LINGO2: variants seen among roughly 807,000 people sequenced by gnomAD.
LINGO2 encodes leucine rich repeat and Ig domain containing 2.
A neutral mutation model predicts 30.6 loss-of-function variants in LINGO2; 14 were observed. That is an observed-to-expected ratio of 0.46 (90% confidence interval 0.30 to 0.72). The LOEUF is 0.72. Ranked by LOEUF, LINGO2 falls within the 30% of genes least tolerant of loss-of-function variation. The pLI is 0.07. For synonymous variants in LINGO2, 317 were observed against 288.5 expected, an observed-to-expected ratio of 1.10 and a Z score of -1.00; for missense variants, 729 against 751.7, an observed-to-expected ratio of 0.97 and a Z score of 0.35.
At chr9:28,863,792 T>TG in the LINGO2 span, 1 of 356,682 alleles carries the variant, frequency 2.8e-6, no homozygotes, top group African/African-American at 2.1e-5. Context: ...TCCATCTAGT[T>TG]CACAATCAAT....
intron 5 of LINGO2, among the ~76,000 whole-genome samples, chr9:27,992,627 A>C (rs1821453718): frequency 6.6e-6 from 1 of 152,130 alleles, no homozygotes; most frequent in African/African-American, 2.4e-5. Flanking sequence ...AAAGTGAAAA[A>C]ATAAAATTAT....
At chr9:28,007,332 A>G (rs954184581) in intron 5 of LINGO2, among the ~76,000 whole-genome samples, 1 of 152,142 alleles carries the variant, frequency 6.6e-6, no homozygotes, top group African/African-American at 2.4e-5. Context: ...AAACAATTGC[A>G]TGGTAGAAGA....
chr9:28,826,641 C>A, the LINGO2 span, among the ~76,000 whole-genome samples: 5 of 152,180 alleles, frequency 3.3e-5, no homozygotes, highest in Non-Finnish European at 7.3e-5. Context: ...TAAACACTGA[C>A]ATCCATGTCT....
chr9:28,535,925 C>T (rs1414048015), intron 1 of LINGO2, among the ~76,000 whole-genome samples: 1 of 152,182 alleles, frequency 6.6e-6, no homozygotes, highest in African/African-American at 2.4e-5. Flanking sequence ...GAGACATGAC[C>T]TTTGGCCTAA....
chr9:28,912,589 A>T, the LINGO2 span, among the ~76,000 whole-genome samples: 1 of 152,076 alleles, frequency 6.6e-6, no homozygotes, highest in South Asian at 2.1e-4. Context: ...TGGACAAGTA[A>T]CCCTTATGGA....
At chr9:28,859,130 G>T in the LINGO2 span, among the ~76,000 whole-genome samples, 1 of 152,030 alleles carries the variant, frequency 6.6e-6, no homozygotes, top group Non-Finnish European at 1.5e-5. Flanking sequence ...TTTTCTGAAG[G>T]AGAGTAATTT....
chr9:28,487,330 T>C (rs3904395), intron 1 of LINGO2, among the ~76,000 whole-genome samples: 137,117 of 152,152 alleles, frequency 0.9, 61,995 homozygotes, highest in East Asian at 1. Flanking sequence ...TTTTCAATTT[T>C]GACTCACCAG....
chr9:28,763,385 A>G, the LINGO2 span, among the ~76,000 whole-genome samples: 64 of 152,170 alleles, frequency 4.2e-4, no homozygotes, highest in African/African-American at 1.4e-3. Context: ...ACAGTGAGAA[A>G]ATGGAAAACA....
the LINGO2 span, among the ~76,000 whole-genome samples, chr9:29,015,361 T>A: frequency 0.88 from 133,830 of 152,162 alleles, 59,355 homozygotes; most frequent in Non-Finnish European, 0.93. Context: ...CATTCAACAC[T>A]TGCTTTCTGC....
At chr9:28,003,566 C>T (rs989604694) in intron 5 of LINGO2, among the ~76,000 whole-genome samples, 6 of 152,070 alleles carry the variant, frequency 3.9e-5, no homozygotes, top group African/African-American at 1.4e-4. Context: ...TCATGCCATT[C>T]TTCTCCTGCC....
At chr9:28,265,556 C>T (rs111882269) in intron 4 of LINGO2, among the ~76,000 whole-genome samples, 3,176 of 151,908 alleles carry the variant, frequency 0.021, 96 homozygotes, top group African/African-American at 0.072. Flanking sequence ...GATATTTTTG[C>T]TTTTAGGAAA....
rs528205906 is a variant in LINGO2 at position 28,298,701 on chromosome 9, C to A, written c.-245-3335G>T. Among the ~76,000 whole-genome samples, 52 of 145,948 alleles carry A rather than the reference C, an allele frequency of 3.6e-4. No individual in the cohort carries two copies. The South Asian group carries it at 8.9e-3, about 25-fold the overall frequency. On this transcript the variant is annotated intron_variant, in intron 3 of 5. Transcript: ENST00000379992. ...TCTGTCTCAAAAAAAAAAAAAAAATCAGAATGAATGTATTTTCTTGTATGT... is the reference window on the plus strand; with the variant it reads ...TCTGTCTCAAAAAAAAAAAAAAAATAAGAATGAATGTATTTTCTTGTATGT...
chr9:28,415,547 T>A (rs1822933001), intron 2 of LINGO2, among the ~76,000 whole-genome samples: 1 of 152,156 alleles, frequency 6.6e-6, no homozygotes, highest in Non-Finnish European at 1.5e-5. Context: ...TATCTTCCGA[T>A]CTTTTCTCCA....
chr9:28,216,529 T>G (rs56082341), intron 4 of LINGO2, among the ~76,000 whole-genome samples: 24,679 of 151,912 alleles, frequency 0.16, 2,162 homozygotes, highest in African/African-American at 0.21. Flanking sequence ...CAATATGATT[T>G]TCGTGTTGAC....
At chr9:29,115,253 G>C in the LINGO2 span, among the ~76,000 whole-genome samples, 2 of 151,802 alleles carry the variant, frequency 1.3e-5, no homozygotes, top group Non-Finnish European at 2.9e-5. Context: ...TTTTAGGTGA[G>C]TTCAGAGCAA....
intron 4 of LINGO2, among the ~76,000 whole-genome samples, chr9:28,189,497 GAGGAAGGA>G (rs1564028945): frequency 2.8e-3 from 52 of 18,764 alleles, no homozygotes; most frequent in South Asian, 5.7e-3. Flanking sequence ...GGAAGGAAGG[GAGGAAGGA>G]AGGAAGGGAG....
chr9:28,491,937 G>GA (rs1564238191), intron 1 of LINGO2, among the ~76,000 whole-genome samples: 1 of 152,130 alleles, frequency 6.6e-6, no homozygotes, highest in Non-Finnish European at 1.5e-5. Flanking sequence ...GAAACTGTGG[G>GA]AAAAAGGGTG....
chr9:29,081,230 G>C, the LINGO2 span, among the ~76,000 whole-genome samples: 1 of 152,070 alleles, frequency 6.6e-6, no homozygotes, highest in African/African-American at 2.4e-5. Context: ...TATCCACCAT[G>C]ATCAAGTGGG....
chr9:28,028,810 A>G (rs999476132), intron 4 of LINGO2, among the ~76,000 whole-genome samples: 2 of 152,140 alleles, frequency 1.3e-5, no homozygotes, highest in African/African-American at 4.8e-5. Context: ...GAATCCACAG[A>G]TATGGAGGGC....
Sources: allele counts gnomAD v4.1 joint callset (sites outside exome capture counted in the v4.1 genomes callset), GRCh38; gene constraint gnomAD v4.1.1; transcripts MANE v1.5; gene names NCBI Gene and HGNC (gene_info 2026-07-23, HGNC 2026-07-21).